The following GAS2 variants were observed in gnomAD, a reference collection of about 807,000 sequenced individuals.
The protein encoded by GAS2 is growth arrest specific 2.
A neutral mutation model predicts 37.5 loss-of-function variants in GAS2; 20 were observed. The observed-to-expected ratio is 0.53, with a 90% CI of 0.37 to 0.77. The LOEUF (loss-of-function observed/expected upper bound fraction) is 0.77, where lower values mean the gene tolerates loss of function less well. Among genes scored for constraint, GAS2 ranks in the 30% least tolerant of loss-of-function variants. The pLI is 0.00. For synonymous variants in GAS2, 144 were observed against 132.2 expected (o/e 1.09, Z -0.61); for missense variants, 336 against 373.4 (o/e 0.90, Z 0.82).
chr11:22,651,315 T>C (rs1393833853), intron 1 of GAS2, among the ~76,000 whole-genome samples: 1 of 152,226 alleles, frequency 6.6e-6, no homozygotes, highest in Admixed American at 6.5e-5. Context: ...CTTCCCTTTG[T>C]GGGTAACCCG....
intron 1 of GAS2, among the ~76,000 whole-genome samples, chr11:22,667,467 A>G (rs1033714237): frequency 2.0e-5 from 3 of 152,132 alleles, no homozygotes; most frequent in Admixed American, 2.0e-4. Context: ...AGTTTGATGA[A>G]ATTGAGTTTT....
chr11:22,800,560 C>T lies in GAS2; in HGVS notation c.724-11238C>T, dbSNP rs148539033. 8.8e-4 allele frequency among the ~76,000 whole-genome samples: 134 copies of T among 152,160 alleles called. 1 individual carries two copies. The highest frequency in any genetic ancestry group is 3.0e-3 in the African/African-American group (126 of 41,528). ...AGGAGACATCCTGCTGAAAAGCGTTCATGTCCTCAAGGTCTAATGACATCT... is the reference window on the plus strand; with the variant it reads ...AGGAGACATCCTGCTGAAAAGCGTTTATGTCCTCAAGGTCTAATGACATCT... On this transcript the variant is annotated intron_variant, in intron 7 of 7. Transcript: ENST00000454584.
At chr11:22,630,704 T>C (rs1252351690) in intron 1 of GAS2, among the ~76,000 whole-genome samples, 1 of 152,226 alleles carries the variant, frequency 6.6e-6, no homozygotes, top group Non-Finnish European at 1.5e-5. Context: ...TTCTCTTCCA[T>C]TGGTCTATAT....
chr11:22,652,186 G>T (rs1848784743), intron 1 of GAS2, among the ~76,000 whole-genome samples: 1 of 152,170 alleles, frequency 6.6e-6, no homozygotes, highest in Non-Finnish European at 1.5e-5. Flanking sequence ...GGCCGTGTGA[G>T]GTGTCAGTGT....
intron 7 of GAS2, among the ~76,000 whole-genome samples, chr11:22,758,899 G>A (rs1854201123): frequency 6.8e-5 from 3 of 43,854 alleles, no homozygotes; most frequent in Admixed American, 8.2e-4. Flanking sequence ...GACAACAAGA[G>A]CAAAACTCCG....
At chr11:22,724,273 C>T (rs1852087420) in intron 3 of GAS2, among the ~76,000 whole-genome samples, 1 of 151,872 alleles carries the variant, frequency 6.6e-6, no homozygotes, top group Non-Finnish European at 1.5e-5. Flanking sequence ...TGGTTCAATA[C>T]ATGTACATGT....
At chr11:22,708,904 G>A (rs1208081570) in intron 3 of GAS2, among the ~76,000 whole-genome samples, 1 of 152,144 alleles carries the variant, frequency 6.6e-6, no homozygotes, top group African/African-American at 2.4e-5. Flanking sequence ...AAGAAATATG[G>A]GAAGAGCAGA....
Position 22,749,115 on chromosome 11 carries a change from T to C in GAS2, c.474-5T>C. 1 of 1,606,668 alleles carries C rather than the reference T, an allele frequency of 6.2e-7. No homozygotes were observed. Among genetic ancestry groups the C allele is most frequent in the African/African-American group, 1.3e-5 (1 of 74,382 alleles). ...CATATGTAATGATCCAGGGTCTTTT[T>C]AAAGGTATGGTGTGGAGCCTCCTGG... On this transcript the variant is annotated splice_region_variant and splice_polypyrimidine_tract_variant and intron_variant, in intron 5 of 7. Coordinates refer to ENST00000454584, the MANE Select transcript of GAS2 (RefSeq NM_001143830.3).
At chr11:22,675,771 A>G (rs1298191848) in intron 2 of GAS2, among the ~76,000 whole-genome samples, 1 of 152,186 alleles carries the variant, frequency 6.6e-6, no homozygotes, top group Admixed American at 6.6e-5. Context: ...ACTTTATAAG[A>G]TATAAGATTT....
chr11:22,719,277 C>T (rs1851834328), intron 3 of GAS2, among the ~76,000 whole-genome samples: 1 of 152,086 alleles, frequency 6.6e-6, no homozygotes, highest in Non-Finnish European at 1.5e-5. Flanking sequence ...CTCATGCTGG[C>T]TAACTGAAAC....
chr11:22,754,792 G>T, intron 6 of GAS2, among the ~76,000 whole-genome samples: 1 of 152,070 alleles, frequency 6.6e-6, no homozygotes, highest in East Asian at 1.9e-4. Flanking sequence ...TTGAAGGAAT[G>T]ATTGCATTTC....
chr11:22,771,588 GA>G (rs1854983504), intron 7 of GAS2, among the ~76,000 whole-genome samples: 1 of 152,058 alleles, frequency 6.6e-6, no homozygotes, highest in Admixed American at 6.5e-5. Flanking sequence ...TTGCACATAG[GA>G]AAACTGGCTC....
At chr11:22,655,882 A>T (rs1419963664) in intron 1 of GAS2, among the ~76,000 whole-genome samples, 1 of 152,240 alleles carries the variant, frequency 6.6e-6, no homozygotes, top group Non-Finnish European at 1.5e-5. Flanking sequence ...ATGAGATTTT[A>T]TCAATTATTA....
intron 4 of GAS2, among the ~76,000 whole-genome samples, chr11:22,736,925 T>C (rs762093111): frequency 9.9e-5 from 15 of 152,118 alleles, no homozygotes; most frequent in Non-Finnish European, 2.2e-4. Flanking sequence ...TACATGCTCT[T>C]CTTGTAGGCT....
At chr11:22,724,539 T>C (rs188186255) in intron 3 of GAS2, among the ~76,000 whole-genome samples, 42 of 152,148 alleles carry the variant, frequency 2.8e-4, no homozygotes, top group African/African-American at 9.6e-4. Context: ...AAGGGAAACA[T>C]TATACTACAC....
At chr11:22,638,151 A>G (rs945632371) in intron 1 of GAS2, among the ~76,000 whole-genome samples, 1 of 152,100 alleles carries the variant, frequency 6.6e-6, no homozygotes, top group African/African-American at 2.4e-5. Flanking sequence ...ACTTCCAAAT[A>G]TAAAACGGCA....
At chr11:22,788,071 C>A (rs1411250647) in intron 7 of GAS2, among the ~76,000 whole-genome samples, 1 of 152,090 alleles carries the variant, frequency 6.6e-6, no homozygotes, top group Non-Finnish European at 1.5e-5. Context: ...TGTATTTAAG[C>A]AAGATATGCT....
In GAS2 at chr11:22,677,233, C is replaced by T. The variant is rs139500491; in HGVS notation, c.145+2219C>T. On this transcript the variant is annotated intron_variant, in intron 2 of 7. Transcript: ENST00000454584. ...GCTTGGGAAATCTTCTTTATGGGAA[C>T]GTATATTTAAACTGAGAACTGAAGA... Among the ~76,000 whole-genome samples the T allele has an allele frequency of 4.6e-5, 7 of 152,120 alleles. No homozygotes were observed. The East Asian group carries it at 1.2e-3, about 25-fold the overall frequency.
At chr11:22,715,548 C>T (rs1329498228) in intron 3 of GAS2, among the ~76,000 whole-genome samples, 2 of 150,414 alleles carry the variant, frequency 1.3e-5, no homozygotes, top group Non-Finnish European at 3.0e-5. Flanking sequence ...TACGAAAGAC[C>T]ATTTAAGGCT....
Sources: allele counts gnomAD v4.1 joint callset (sites outside exome capture counted in the v4.1 genomes callset), GRCh38; gene constraint gnomAD v4.1.1; transcripts MANE v1.5; gene names NCBI Gene and HGNC (gene_info 2026-07-23, HGNC 2026-07-21).